The following SCRN2 variants were observed in gnomAD, a reference collection of about 807,000 sequenced individuals.
SCRN2 encodes the protein secernin-2.
Under a neutral mutation model 40.1 loss-of-function variants are expected in SCRN2, and 30 were observed. The observed-to-expected ratio is 0.75, with a 90% confidence interval of 0.56 to 1.01. The LOEUF is 1.01. Ranked by LOEUF, SCRN2 falls within the 50% of genes least tolerant of loss-of-function variation. The pLI, the probability that SCRN2 is intolerant of heterozygous loss-of-function variation, is 0.00. For synonymous variants in SCRN2, 240 were observed against 233.5 expected, an observed-to-expected ratio of 1.03 and a Z score of -0.25; for missense variants, 526 against 564.9, an observed-to-expected ratio of 0.93 and a Z score of 0.70.
Position 47,837,800 on chromosome 17 carries a change from C to T in SCRN2, c.*44G>A, listed in dbSNP as rs2033719081. 1 of 1,544,276 alleles carries T rather than the reference C, an allele frequency of 6.5e-7. No homozygotes were observed. Among genetic ancestry groups the T allele is most frequent in the East Asian group, 2.3e-5 (1 of 43,242 alleles). ...TACCACCACTCAGGGCACCCAGGCC[C>T]CAGGGGTCCTGGGTCCACCCCAGGC... On this transcript the variant is annotated 3_prime_UTR_variant, in exon 8 of 8. Coordinates refer to ENST00000290216, the MANE Select transcript of SCRN2 (RefSeq NM_138355.4).
chr17:47,840,970 C>T, intron 1 of SCRN2, 127 bp from the exon 2 acceptor site: 1 of 893,766 alleles, frequency 1.1e-6, no homozygotes, highest in Non-Finnish European at 1.6e-6. Flanking sequence ...GGCGCACACA[C>T]CATGGACGGG....
rs776407344 is a variant in SCRN2, at chr17:47,838,679, C to A, written c.790G>T (p.Val264Leu). ...RQRQGGITAE[V>L]MMGILRDKES... ...TTGTCTCTGAGGATGCCCATCATCA[C>A]CTCTGCCGTGATGCCCCCTGCCAAG... Residue 264 changes from valine to leucine, a missense_variant, in exon 6 of 8, where the codon GTG becomes TTG. Transcript: ENST00000290216. 2.5e-6 allele frequency: 4 copies of A among 1,613,944 alleles called. No homozygotes were observed. The East Asian group carries it at 8.9e-5, about 36-fold the overall frequency.
In SCRN2 at chr17:47,840,280, GTTGGCGCCCATCTCAGCCCCCCA is replaced by G; in HGVS notation, c.244_266del (p.Trp82ArgfsTer70). ...CGTTGCCAATGCAGACACCATGCTCGTTGGCGCCCATCTCAGCCCCCCATAGCCAAGAAGGACGGCTCAGAATC... is the reference window on the plus strand; with the variant it reads ...CGTTGCCAATGCAGACACCATGCTCGTAGCCAAGAAGGACGGCTCAGAATC... On this transcript the variant is annotated frameshift_variant, in exon 3 of 8. Coordinates refer to ENST00000290216, the MANE Select transcript of SCRN2 (RefSeq NM_138355.4). LOFTEE classifies it high-confidence loss of function. The G allele has an allele frequency of 3.1e-6, 5 of 1,614,170 alleles. No homozygotes were observed. Among genetic ancestry groups the G allele is most frequent in the Non-Finnish European group, 4.2e-6 (5 of 1,180,044 alleles).
At chr17:47,838,219 T>C in intron 7 of SCRN2, 51 bp downstream of exon 7, 1 of 1,568,726 alleles carries the variant, frequency 6.4e-7, no homozygotes, top group East Asian at 2.3e-5. Flanking sequence ...CCACTGGGAG[T>C]GGGGGAGGTC....
chr17:47,838,019 C>G lies in SCRN2; in HGVS notation c.1120-17G>C, dbSNP rs2033727748. On this transcript the variant is annotated splice_polypyrimidine_tract_variant and intron_variant, in intron 7 of 7. Coordinates refer to ENST00000290216, the MANE Select transcript of SCRN2 (RefSeq NM_138355.4). Reference sequence around the variant, plus strand: ...CCCCCGATCCTGCCCCAAGGGAAAGCTGAGATGAGTCTGTCCGGGACAGGC... The same window carrying G: ...CCCCCGATCCTGCCCCAAGGGAAAGGTGAGATGAGTCTGTCCGGGACAGGC... 1 of 1,603,394 alleles carries G rather than the reference C, an allele frequency of 6.2e-7. No homozygotes were observed. The highest frequency in any genetic ancestry group is 8.5e-7 in the Non-Finnish European group (1 of 1,179,162).
chr17:47,840,288 C>G lies in SCRN2; in HGVS notation c.259G>C (p.Gly87Arg). 1 of 1,614,214 alleles carries G rather than the reference C, an allele frequency of 6.2e-7. No homozygotes were observed. The highest frequency in any genetic ancestry group is 1.3e-5 in the African/African-American group (1 of 75,082). The part of the protein sequence containing the change: ...RPSWLWGAEM[G>R]ANEHGVCIGN... ...ATGCAGACACCATGCTCGTTGGCGC[C>G]CATCTCAGCCCCCCATAGCCAAGAA... The change falls in exon 3 of 8, where the codon GGC (glycine) becomes CGC (arginine). Residue 87 changes from glycine (G) to arginine (R), a missense_variant. Transcript: ENST00000290216.
rs1456291066 is a variant in SCRN2, at chr17:47,838,320, T to G, written c.1069A>C (p.Thr357Pro). ...GCTGCCTGGTGTCCACGGTAGAGGG[T>G]ATGCCGACGATCTACCTGAGTCTGG... Reference protein sequence around the residue: ...RFQTQVDRRHTLYRGHQAALG... With the variant: ...RFQTQVDRRHPLYRGHQAALG... Residue 357 changes from threonine (T) to proline (P), a missense_variant, in exon 7 of 8, where the codon ACC becomes CCC. By Grantham distance (38) the Thr-to-Pro change is conservative. Coordinates refer to ENST00000290216, the MANE Select transcript of SCRN2 (RefSeq NM_138355.4). 1 of 1,610,512 alleles carries G rather than the reference T, an allele frequency of 6.2e-7. No individual in the cohort carries two copies. Among genetic ancestry groups the G allele is most frequent in the Non-Finnish European group, 8.5e-7 (1 of 1,178,756 alleles).
intron 3 of SCRN2, 28 bp from the exon 4 acceptor site, chr17:47,839,671 A>T: frequency 6.2e-7 from 1 of 1,612,676 alleles, no homozygotes; most frequent in Non-Finnish European, 8.5e-7. Context: ...CAAGGGACAG[A>T]AGGGTGACAG....
rs773160472 is a variant in SCRN2, at chr17:47,838,655, T to G, written c.814A>C (p.Lys272Gln). ...GAGTCCATACAGATACCACTCTCCT[T>G]GTCTCTGAGGATGCCCATCATCACC... ...AEVMMGILRDKESGICMDSGG... is the reference protein window; with the variant it reads ...AEVMMGILRDQESGICMDSGG... Residue 272 changes from lysine to glutamine, a missense_variant, in exon 6 of 8, where the codon AAG becomes CAG. Lys to Gln is a moderately conservative substitution (Grantham distance 53). Coordinates refer to ENST00000290216, the MANE Select transcript of SCRN2 (RefSeq NM_138355.4). 1.4e-5 allele frequency: 23 copies of G among 1,614,062 alleles called. No individual in the cohort carries two copies. Among genetic ancestry groups the G allele is most frequent in the Non-Finnish European group, 8.5e-6 (10 of 1,180,006 alleles).
intron 2 of SCRN2, 104 bp from the exon 3 acceptor site, chr17:47,840,476 AT>A: frequency 1.5e-6 from 2 of 1,374,252 alleles, no homozygotes; most frequent in Non-Finnish European, 2.0e-6. Flanking sequence ...GGAAGGTCTC[AT>A]TCCCATTTTA....
At chr17:47,839,109 C>T in intron 4 of SCRN2, 103 bp from the exon 5 acceptor site, 1 of 1,255,576 alleles carries the variant, frequency 8.0e-7, no homozygotes, top group East Asian at 2.4e-5. Flanking sequence ...GAACTACCTA[C>T]CCTCATGGAG....
chr17:47,839,955 C>T, intron 3 of SCRN2: 1 of 589,372 alleles, frequency 1.7e-6, no homozygotes, highest in Non-Finnish European at 3.0e-6. Flanking sequence ...TAAATTGGGA[C>T]TCTATGTAAG....
chr17:47,840,946 G>A, intron 1 of SCRN2, 103 bp from the exon 2 acceptor site: 1 of 1,089,970 alleles, frequency 9.2e-7, no homozygotes, highest in South Asian at 2.2e-5. Flanking sequence ...CACCGCCGTG[G>A]CTCCTGGACG....
Position 47,839,005 on chromosome 17 carries a change from C to A in SCRN2, c.558G>T (p.Glu186Asp). 1.2e-6 allele frequency: 2 copies of A among 1,613,744 alleles called. No homozygotes were observed. Among genetic ancestry groups the A allele is most frequent in the South Asian group, 2.2e-5 (2 of 91,070 alleles). ...GRLWAAQRIQ[E>D]GARNISNQLS... is the part of the protein sequence containing the mutation. Reference sequence around the variant, plus strand: ...GCTGGTTGGAGATGTTGCGGGCCCCCTCTGTGGAGGAGATCGGGGAGTGGT... The same window carrying A: ...GCTGGTTGGAGATGTTGCGGGCCCCATCTGTGGAGGAGATCGGGGAGTGGT... The change falls in exon 5 of 8, where the codon GAG (glutamate) becomes GAT (aspartate). Residue 186 changes from glutamate to aspartate, a missense_variant and splice_region_variant. By Grantham distance (45) the Glu-to-Asp change is conservative (BLOSUM62 2). Transcript: ENST00000290216.
At chr17:47,840,408 A>G in intron 2 of SCRN2, 36 bp from the exon 3 acceptor site, 1 of 1,607,402 alleles carries the variant, frequency 6.2e-7, no homozygotes, top group East Asian at 2.2e-5. Flanking sequence ...GCGTCCACTC[A>G]TAGAGGGGCG....
At chr17:47,839,290 G>C (rs1044522893) in intron 4 of SCRN2, among the ~76,000 whole-genome samples, 154 bp downstream of exon 4, 2 of 152,226 alleles carry the variant, frequency 1.3e-5, no homozygotes, top group Non-Finnish European at 2.9e-5. Context: ...TGTAGCACAC[G>C]GAAGACTTAA....
chr17:47,838,926 G>A lies in SCRN2; in HGVS notation c.637C>T (p.Gln213Ter), dbSNP rs751643426. The A allele has an allele frequency of 1.2e-6, 2 of 1,613,928 alleles. No individual in the cohort carries two copies. The highest frequency in any genetic ancestry group is 1.7e-5 in the Admixed American group (1 of 60,012). Residue 213 changes from glutamine to a stop codon, truncating the protein, a stop_gained, in exon 5 of 8, where the codon CAG becomes TAG. Coordinates refer to ENST00000290216, the MANE Select transcript of SCRN2 (RefSeq NM_138355.4). LOFTEE classifies it high-confidence loss of function. Reference sequence around the variant, plus strand: ...TGCCCATCCCACCAGCCCTTGGCCTGGGCATGAGTCCGCAGCTCCGGGTGT... The same window carrying A: ...TGCCCATCCCACCAGCCCTTGGCCTAGGCATGAGTCCGCAGCTCCGGGTGT... ...AQHPELRTHA[Q>*]AKGWWDGQGA...
At chr17:47,840,156 T>C in intron 3 of SCRN2, 35 bp downstream of exon 3, 1 of 1,587,046 alleles carries the variant, frequency 6.3e-7, no homozygotes, top group Non-Finnish European at 8.6e-7. Flanking sequence ...AGATTTCTGG[T>C]GTGTCAGGCA....
At chr17:47,838,126 A>G in intron 7 of SCRN2, 124 bp from the exon 8 acceptor site, 1 of 1,525,468 alleles carries the variant, frequency 6.6e-7, no homozygotes. Flanking sequence ...CCCCAAAGGC[A>G]GTTGCTGGCT....
Sources: allele counts gnomAD v4.1 joint callset (sites outside exome capture counted in the v4.1 genomes callset), GRCh38; gene constraint gnomAD v4.1.1; transcripts MANE v1.5; gene names NCBI Gene and HGNC (gene_info 2026-07-23, HGNC 2026-07-21).